SETX: variants seen among roughly 807,000 people sequenced by gnomAD.
The protein encoded by SETX is helicase senataxin.
In SETX, 90 loss-of-function variants were observed where a neutral mutation model predicts 227.2. The observed-to-expected ratio is 0.40, with a 90% CI of 0.33 to 0.47. The LOEUF is 0.47. SETX is among the 20% of genes least tolerant of loss of function. The pLI, the probability that SETX is intolerant of heterozygous loss-of-function variation, is 0.91. For missense variants in SETX, 3,052 were observed against 3,181.5 expected, an observed-to-expected ratio of 0.96 and a Z score of 0.98; for synonymous variants, 1,210 against 1,113.2, an observed-to-expected ratio of 1.09 and a Z score of -1.73.
chr9:132,266,840 G>A (rs1385974268), intron 25 of SETX, among the ~76,000 whole-genome samples: 2 of 152,312 alleles, frequency 1.3e-5, no homozygotes, highest in Admixed American at 1.3e-4. Flanking sequence ...GGAGACAATG[G>A]TGTAACTCTT....
chr9:132,303,339 C>CAAA (rs76538209), intron 11 of SETX, among the ~76,000 whole-genome samples: 59 of 61,624 alleles, frequency 9.6e-4, no homozygotes, highest in African/African-American at 2.3e-3. Context: ...TTTAAAAAAG[C>CAAA]AAAAAAAAAA....
At position 132,329,736 on chromosome 9, in the gene SETX, TTATTA is replaced by T; in HGVS notation, c.1857_1861del (p.Tyr619Ter). 6.2e-7 allele frequency: 1 copy of T among 1,614,110 alleles called. No homozygotes were observed. The highest frequency in any genetic ancestry group is 8.5e-7 in the Non-Finnish European group (1 of 1,180,002). On this transcript the variant is annotated stop_gained and frameshift_variant, in exon 10 of 26. Transcript: ENST00000224140. LOFTEE classifies it high-confidence loss of function. ...CTTCCCCATTTGTTCACTTTCTTCT[TTATTA>T]TAAGATGCAGGAGAGATTTTACATG...
intron 2 of SETX, among the ~76,000 whole-genome samples, chr9:132,350,273 G>A (rs537912772): frequency 3.3e-5 from 5 of 152,032 alleles, no homozygotes; most frequent in Admixed American, 6.5e-5. Context: ...CTGCCTGAAC[G>A]TGGGAGGCAG....
chr9:132,293,534 G>A (rs1002850215), intron 15 of SETX, among the ~76,000 whole-genome samples: 9 of 151,978 alleles, frequency 5.9e-5, no homozygotes, highest in African/African-American at 9.7e-5. Flanking sequence ...TGATTCTCCC[G>A]CCTCAGCCTC....
intron 25 of SETX, 195 bp downstream of exon 25, chr9:132,269,420 G>C (rs1358348776): frequency 6.4e-7 from 1 of 1,568,956 alleles, no homozygotes; most frequent in South Asian, 1.1e-5. Flanking sequence ...GCCCAGTGTA[G>C]ATACTTGGGT....
At chr9:132,336,231 A>T in intron 6 of SETX, 65 bp downstream of exon 6, 2 of 1,374,142 alleles carry the variant, frequency 1.5e-6, no homozygotes, top group Non-Finnish European at 2.1e-6. Context: ...CAACAGAGTG[A>T]GACTGTCTCA....
intron 3 of SETX, among the ~76,000 whole-genome samples, chr9:132,348,623 G>A (rs939945030): frequency 3.3e-5 from 5 of 152,100 alleles, no homozygotes; most frequent in Admixed American, 2.0e-4. Context: ...TTAGGTACTT[G>A]ACTTATATTA....
chr9:132,343,968 A>AG (rs1203634969), intron 4 of SETX, among the ~76,000 whole-genome samples: 3 of 152,192 alleles, frequency 2.0e-5, no homozygotes. Flanking sequence ...GGCCAAAAAA[A>AG]AGATGAGGGC....
chr9:132,271,056 T>A (rs1842877617), intron 24 of SETX, among the ~76,000 whole-genome samples: 1 of 152,236 alleles, frequency 6.6e-6, no homozygotes, highest in African/African-American at 2.4e-5. Flanking sequence ...GGGCTTGGGA[T>A]ATTTTCTGTC....
intron 21 of SETX, among the ~76,000 whole-genome samples, chr9:132,277,629 C>T (rs1843233312): frequency 6.6e-6 from 1 of 151,688 alleles, no homozygotes; most frequent in Non-Finnish European, 1.5e-5. Context: ...AAGAAAAATA[C>T]AAAAATTAGC....
At position 132,283,245 on chromosome 9, in the gene SETX, T is replaced by C; in HGVS notation, c.6546+19A>G. 6.2e-7 allele frequency: 1 copy of C among 1,613,954 alleles called. No individual in the cohort carries two copies. Among genetic ancestry groups the C allele is most frequent in the Non-Finnish European group, 8.5e-7 (1 of 1,180,002 alleles). On this transcript the variant is annotated intron_variant, in intron 19 of 25. Coordinates refer to ENST00000224140, the MANE Select transcript of SETX (RefSeq NM_015046.7). ...CCTCATAGTAGTAGTCAAAGTTGTATGGCTGACCGTTCACTGACCTCATCA... is the reference window on the plus strand; with the variant it reads ...CCTCATAGTAGTAGTCAAAGTTGTACGGCTGACCGTTCACTGACCTCATCA...
rs531290162 is a variant in SETX, at chr9:132,304,777, A to T, written c.5375-3974T>A. ...CTTTGTGGGGCCAAGGCAGGAGGAT[A>T]ACCTGAGGTCAGGAGTTCAAGACCA... On this transcript the variant is annotated intron_variant, in intron 11 of 25. Coordinates refer to ENST00000224140, the MANE Select transcript of SETX (RefSeq NM_015046.7). Among the ~76,000 whole-genome samples, 94 of 151,548 alleles carry T rather than the reference A, an allele frequency of 6.2e-4. 1 individual carries two copies. Among genetic ancestry groups the T allele is most frequent in the African/African-American group, 2.2e-3 (89 of 41,240 alleles).
rs1846942479 is a variant in SETX, at chr9:132,327,949, T to C, written c.3649A>G (p.Thr1217Ala). ...TTTGAAGACTTCTTTTGTGAAACCGTAGTGGCTCTCTGAATACGTGAATTG... is the reference window on the plus strand; with the variant it reads ...TTTGAAGACTTCTTTTGTGAAACCGCAGTGGCTCTCTGAATACGTGAATTG... ...TPNSRIQRAT[T>A]VSQKKSSKLC... The change falls in exon 10 of 26, where the codon ACG (threonine) becomes GCG (alanine). Residue 1217 changes from threonine to alanine, a missense_variant. Coordinates refer to ENST00000224140, the MANE Select transcript of SETX (RefSeq NM_015046.7). The C allele has an allele frequency of 6.2e-7, 1 of 1,614,082 alleles. No homozygotes were observed. Among genetic ancestry groups the C allele is most frequent in the Non-Finnish European group, 8.5e-7 (1 of 1,180,018 alleles).
At chr9:132,305,141 T>G (rs951565286) in intron 11 of SETX, among the ~76,000 whole-genome samples, 1 of 151,360 alleles carries the variant, frequency 6.6e-6, no homozygotes, top group Non-Finnish European at 1.5e-5. Flanking sequence ...GATCACGAGG[T>G]TAGGAGATCA....
intron 19 of SETX, among the ~76,000 whole-genome samples, chr9:132,282,391 C>G (rs1232790806): frequency 6.6e-6 from 1 of 151,384 alleles, no homozygotes; most frequent in African/African-American, 2.4e-5. Context: ...CGGGCTCAAG[C>G]AATCCTCCCA....
chr9:132,273,663 T>C (rs1027093965), intron 23 of SETX, among the ~76,000 whole-genome samples: 1 of 152,242 alleles, frequency 6.6e-6, no homozygotes, highest in Non-Finnish European at 1.5e-5. Context: ...TAATCTTGTA[T>C]CCTGCTAAGC....
chr9:132,330,562 C>A, intron 9 of SETX, 63 bp from the exon 10 acceptor site: 2 of 1,425,290 alleles, frequency 1.4e-6, no homozygotes, highest in South Asian at 1.2e-5. Flanking sequence ...GTTCAACACC[C>A]AAGTCGTTAA....
chr9:132,297,832 A>G (rs1844760216), intron 13 of SETX, among the ~76,000 whole-genome samples: 1 of 152,248 alleles, frequency 6.6e-6, no homozygotes, highest in South Asian at 2.1e-4. Flanking sequence ...CACATTAAGT[A>G]GGCTGCTGAC....
At chr9:132,344,002 T>C (rs1415730003) in intron 4 of SETX, among the ~76,000 whole-genome samples, 1 of 152,110 alleles carries the variant, frequency 6.6e-6, no homozygotes, top group East Asian at 1.9e-4. Flanking sequence ...CGTACGAACA[T>C]AGTTGGCACG....
Sources: gnomAD v4.1 joint callset for allele counts (sites outside exome capture counted in the v4.1 genomes callset) on GRCh38, gnomAD v4.1.1 for gene constraint, MANE v1.5 for transcripts, NCBI Gene and HGNC (gene_info 2026-07-23, HGNC 2026-07-21) for gene names.